Variants in PPP1R1C observed in about 807,000 individuals in gnomAD.
The protein encoded by PPP1R1C is protein phosphatase 1 regulatory subunit 1C.
PPP1R1C carries 15 observed loss-of-function variants against 17.4 expected under a neutral mutation model. That is an observed-to-expected ratio of 0.86 (90% confidence interval 0.58 to 1.33). The LOEUF is 1.33. PPP1R1C is among the 40% of genes most tolerant of loss of function. The probability of loss-of-function intolerance (pLI) is 0.00; values close to 1 mark genes in which losing one functional copy is unlikely to be tolerated. For synonymous variants in PPP1R1C, 35 were observed against 43.1 expected (o/e 0.81, Z 0.73); for missense variants, 143 against 130.0 (o/e 1.10, Z -0.48).
At chr2:181,999,007 C>A (rs762593207) in intron 2 of PPP1R1C, among the ~76,000 whole-genome samples, 1 of 152,176 alleles carries the variant, frequency 6.6e-6, no homozygotes, top group Non-Finnish European at 1.5e-5. Context: ...GTTCCTGCTT[C>A]ACTTAGCCAA....
intron 4 of PPP1R1C, among the ~76,000 whole-genome samples, chr2:182,115,460 C>G (rs1038734582): frequency 2.6e-5 from 4 of 152,132 alleles, no homozygotes; most frequent in Non-Finnish European, 5.9e-5. Context: ...TTTATCTTCT[C>G]TAAGTCTAAA....
At chr2:182,101,231 G>C (rs1689090574) in intron 4 of PPP1R1C, among the ~76,000 whole-genome samples, 1 of 152,170 alleles carries the variant, frequency 6.6e-6, no homozygotes, top group Admixed American at 6.5e-5. Flanking sequence ...TTGTAGAAAA[G>C]AATTGTGTTC....
intron 2 of PPP1R1C, among the ~76,000 whole-genome samples, chr2:182,060,483 C>G (rs1687818700): frequency 6.6e-6 from 1 of 152,046 alleles, no homozygotes; most frequent in Non-Finnish European, 1.5e-5. Flanking sequence ...ATGTGTTATT[C>G]AATCACCCCA....
chr2:182,047,292 T>A (rs1559070953), intron 2 of PPP1R1C, among the ~76,000 whole-genome samples: 1 of 152,148 alleles, frequency 6.6e-6, no homozygotes. Flanking sequence ...CAAATCCTAT[T>A]TAAAGGAATC....
rs67129466 is a variant in PPP1R1C at position 181,977,132 on chromosome 2, T to TAAAAAAAAAA, written n.157+1900_157+1909dup. 2.5e-4 allele frequency among the ~76,000 whole-genome samples: 5 copies of TAAAAAAAAAA among 19,850 alleles called. 1 individual carries two copies. Among genetic ancestry groups the TAAAAAAAAAA allele is most frequent in the Non-Finnish European group, 5.8e-4 (5 of 8,572 alleles). 13.0% of individuals were successfully genotyped at this position (19,850 alleles called of 152,430 possible). A position where few individuals can be genotyped will look rare whatever the true frequency, so the allele number is the denominator to read the frequency against. On this transcript the variant is annotated intron_variant and non_coding_transcript_variant, in intron 2 of 5. Coordinates refer to the PPP1R1C transcript ENST00000464264. ...CTGGGCAACAGAGTGAGAATCTATC[T>TAAAAAAAAAA]AAAAAAAAAAAAAAAAAAAAAAAAA... is the stretch of plus-strand genomic sequence containing the variant.
chr2:182,080,346 T>C (rs1221666353), intron 4 of PPP1R1C, among the ~76,000 whole-genome samples: 2 of 152,180 alleles, frequency 1.3e-5, no homozygotes, highest in African/African-American at 2.4e-5. Context: ...GGTATCACTA[T>C]CCCCCATTTG....
At chr2:182,029,389 C>G (rs1241097012) in intron 2 of PPP1R1C, among the ~76,000 whole-genome samples, 1 of 141,794 alleles carries the variant, frequency 7.1e-6, no homozygotes, top group African/African-American at 2.6e-5. Context: ...CCTTCAGGAG[C>G]TCTTTTAGGG....
intron 1 of PPP1R1C, among the ~76,000 whole-genome samples, chr2:181,959,194 A>T (rs1331748458): frequency 2.6e-5 from 4 of 152,194 alleles, no homozygotes; most frequent in African/African-American, 4.8e-5. Context: ...TGTTTTTTAA[A>T]CTGTCAGTAA....
chr2:182,058,784 A>G (rs990799435), intron 2 of PPP1R1C, among the ~76,000 whole-genome samples: 4 of 152,046 alleles, frequency 2.6e-5, no homozygotes, highest in Admixed American at 1.3e-4. Flanking sequence ...AGCCTCAACC[A>G]TGGCTCTTTA....
At chr2:182,086,250 T>C (rs1688625807) in intron 4 of PPP1R1C, among the ~76,000 whole-genome samples, 2 of 152,066 alleles carry the variant, frequency 1.3e-5, no homozygotes, top group African/African-American at 4.8e-5. Context: ...AAAGGAAAGA[T>C]GAATAAAAGT....
chr2:182,117,268 T>C lies in PPP1R1C; in HGVS notation c.303T>C (p.Asn101=). 2 of 1,563,710 alleles carry C rather than the reference T, an allele frequency of 1.3e-6. No individual in the cohort carries two copies. The highest frequency in any genetic ancestry group is 1.7e-6 in the Non-Finnish European group (2 of 1,153,558). ...SAFPEEEEGT[N]EREEQRDH Reference sequence around the variant, plus strand: ...TCCCTGAAGAAGAAGAAGGCACCAATGAAAGAGAGGAGCAGCGGGACCATT... The same window carrying C: ...TCCCTGAAGAAGAAGAAGGCACCAACGAAAGAGAGGAGCAGCGGGACCATT... The change falls in exon 5 of 5, where the codon AAT becomes AAC. Residue 101 remains asparagine (N), a synonymous_variant. Transcript: ENST00000682840.
intron 2 of PPP1R1C, among the ~76,000 whole-genome samples, chr2:182,049,669 A>G (rs1391255923): frequency 6.6e-6 from 1 of 152,146 alleles, no homozygotes; most frequent in African/African-American, 2.4e-5. Flanking sequence ...TAGGAAACTG[A>G]TCATGTATTC....
intron 4 of PPP1R1C, among the ~76,000 whole-genome samples, chr2:182,090,147 T>G (rs879257137): frequency 2.6e-5 from 4 of 152,178 alleles, no homozygotes; most frequent in African/African-American, 7.2e-5. Context: ...GTAGAATTAA[T>G]AAACCTATCC....
At chr2:181,998,103 G>A (rs994551973) in intron 2 of PPP1R1C, among the ~76,000 whole-genome samples, 1 of 152,150 alleles carries the variant, frequency 6.6e-6, no homozygotes, top group Non-Finnish European at 1.5e-5. Flanking sequence ...ATTTTGTGTA[G>A]GACTAAGAGC....
chr2:181,977,080 G>T (rs978321136), intron 2 of PPP1R1C, among the ~76,000 whole-genome samples: 1 of 134,710 alleles, frequency 7.4e-6, no homozygotes, highest in African/African-American at 2.7e-5. Context: ...GTTGCAGTGA[G>T]CTGAGATCGT....
At chr2:181,994,499 C>T (rs1029300128) in intron 2 of PPP1R1C, among the ~76,000 whole-genome samples, 2 of 152,134 alleles carry the variant, frequency 1.3e-5, no homozygotes, top group Non-Finnish European at 2.9e-5. Context: ...TAGACTGTCT[C>T]ATTTGCATAA....
intron 2 of PPP1R1C, among the ~76,000 whole-genome samples, chr2:182,000,541 G>A (rs999933466): frequency 6.6e-6 from 1 of 152,154 alleles, no homozygotes; most frequent in Non-Finnish European, 1.5e-5. Context: ...AATTGGACAA[G>A]AGTTTGCCCC....
At chr2:182,098,656 A>G (rs1689013766) in intron 4 of PPP1R1C, among the ~76,000 whole-genome samples, 1 of 152,188 alleles carries the variant, frequency 6.6e-6, no homozygotes, top group African/African-American at 2.4e-5. Context: ...AATTAAGAAT[A>G]TTTGTAATTT....
At chr2:182,124,296 C>T (rs908976633) in intron 5 of PPP1R1C, among the ~76,000 whole-genome samples, 3 of 141,614 alleles carry the variant, frequency 2.1e-5, no homozygotes. Flanking sequence ...TGTTATGCCT[C>T]CAGCTTTGTT....
Sources: allele counts gnomAD v4.1 joint callset (sites outside exome capture counted in the v4.1 genomes callset), GRCh38; gene constraint gnomAD v4.1.1; transcripts MANE v1.5; gene names NCBI Gene and HGNC (gene_info 2026-07-23, HGNC 2026-07-21).